Variants in LPA observed in about 807,000 individuals in gnomAD.
LPA encodes apolipoprotein(a).
A neutral mutation model predicts 197.9 loss-of-function variants in LPA; 199 were observed. The ratio of observed to expected loss-of-function variants is 1.01; its 90% CI spans 0.90 to 1.13. The LOEUF is 1.13. Ranked by LOEUF, LPA falls within the 50% of genes most tolerant of loss-of-function variation. The pLI, the probability that LPA is intolerant of heterozygous loss-of-function variation, is 0.00. For synonymous variants in LPA, 715 were observed against 639.5 expected, an observed-to-expected ratio of 1.12 and a Z score of -1.78; for missense variants, 1,853 against 1,785.8, an observed-to-expected ratio of 1.04 and a Z score of -0.68.
intron 20 of LPA, 114 bp downstream of exon 20, chr6:160,599,386 G>T: frequency 1.4e-6 from 2 of 1,467,844 alleles, no homozygotes; most frequent in Non-Finnish European, 1.9e-6. Flanking sequence ...CACAGGAAAT[G>T]TTCCTCTGCA....
At chr6:160,657,203 T>G (rs977885299) in intron 1 of LPA, among the ~76,000 whole-genome samples, 24 of 152,106 alleles carry the variant, frequency 1.6e-4, no homozygotes, top group African/African-American at 4.8e-4. Context: ...TCACAAAGCT[T>G]CGGCCAAGGG....
intron 8 of LPA, 98 bp downstream of exon 8, chr6:160,633,655 C>A: frequency 9.3e-7 from 1 of 1,077,278 alleles, no homozygotes; most frequent in Non-Finnish European, 1.3e-6. Flanking sequence ...CTGCATCTGT[C>A]ACAAGTTGAG....
At chr6:160,571,264 C>T (rs1778557134) in intron 28 of LPA, among the ~76,000 whole-genome samples, 1 of 152,152 alleles carries the variant, frequency 6.6e-6, no homozygotes, top group Non-Finnish European at 1.5e-5. Flanking sequence ...GTTAGCAATT[C>T]CTCTGACCTT....
intron 28 of LPA, among the ~76,000 whole-genome samples, chr6:160,563,566 G>C (rs1778398151): frequency 6.6e-6 from 1 of 152,214 alleles, no homozygotes; most frequent in Non-Finnish European, 1.5e-5. Context: ...GTCGAGTTCT[G>C]TAGATGTCTA....
chr6:160,534,132 G>A (rs1287817722), intron 37 of LPA, among the ~76,000 whole-genome samples: 3 of 152,184 alleles, frequency 2.0e-5, no homozygotes, highest in Non-Finnish European at 4.4e-5. Context: ...TGAGCAGCGT[G>A]GAAGAGTCTC....
rs371093480 is a variant in LPA, at chr6:160,601,128, A to G, written c.2946-30T>C. ...AAATTCCAAAAGAATACACATCACAAAAAATGGGTACATATGCAGGAACAC... is the reference window on the plus strand; with the variant it reads ...AAATTCCAAAAGAATACACATCACAGAAAATGGGTACATATGCAGGAACAC... On this transcript the variant is annotated intron_variant, in intron 18 of 38. Coordinates refer to ENST00000316300, the MANE Select transcript of LPA (RefSeq NM_005577.4). The G allele has an allele frequency of 1.7e-5, 27 of 1,607,254 alleles. 1 individual carries two copies. In the African/African-American group the frequency reaches 2.7e-4, roughly 16 times the overall value.
chr6:160,605,043 T>A lies in LPA; in HGVS notation c.2945+3A>T, dbSNP rs1181773735. Reference sequence around the variant, plus strand: ...TCACTTATGGTAAAGAAAATAGACATACGCATTTGGGTAGTATGCTGGGGT... The same window carrying A: ...TCACTTATGGTAAAGAAAATAGACAAACGCATTTGGGTAGTATGCTGGGGT... On this transcript the variant is annotated splice_donor_region_variant and intron_variant, in intron 18 of 38. Coordinates refer to ENST00000316300, the MANE Select transcript of LPA (RefSeq NM_005577.4). The A allele has an allele frequency of 6.2e-7, 1 of 1,613,454 alleles. No individual in the cohort carries two copies. The highest frequency in any genetic ancestry group is 8.5e-7 in the Non-Finnish European group (1 of 1,179,746).
At chr6:160,600,300 C>T (rs943163242) in intron 19 of LPA, among the ~76,000 whole-genome samples, 12 of 152,116 alleles carry the variant, frequency 7.9e-5, no homozygotes, top group African/African-American at 1.4e-4. Flanking sequence ...TCTTTTTCTC[C>T]AGACCCCCCG....
At chr6:160,555,294 A>T (rs1395094882) in intron 30 of LPA, among the ~76,000 whole-genome samples, 2 of 133,872 alleles carry the variant, frequency 1.5e-5, no homozygotes, top group Admixed American at 7.8e-5. Context: ...ATTATATGTT[A>T]GTGTGTGTGT....
rs1311777571 is a variant in LPA at position 160,594,020 on chromosome 6, A to G, written c.3567T>C (p.Cys1189=). Residue 1189 remains cysteine (C), a synonymous_variant, in exon 22 of 39, where the codon TGT becomes TGC. Transcript: ENST00000316300. The part of the protein sequence containing the change: ...SFSTTVTGRT[C]QSWSSMTPHW... ...GTGGTGTCATAGAGGACCAAGACTGACATGTCCTTCCTGTGACAGTGGTAG... is the reference window on the plus strand; with the variant it reads ...GTGGTGTCATAGAGGACCAAGACTGGCATGTCCTTCCTGTGACAGTGGTAG... 7 of 1,613,976 alleles carry G rather than the reference A, an allele frequency of 4.3e-6. No homozygotes were observed. Among genetic ancestry groups the G allele is most frequent in the Non-Finnish European group, 5.9e-6 (7 of 1,179,870 alleles).
At chr6:160,663,585 T>G (rs1378168707) in intron 1 of LPA, among the ~76,000 whole-genome samples, 1 of 152,196 alleles carries the variant, frequency 6.6e-6, no homozygotes, top group Non-Finnish European at 1.5e-5. Context: ...ACAAATACCC[T>G]GAGTATTTGT....
In LPA at chr6:160,605,386, C is replaced by A. The variant is rs536332043; in HGVS notation, c.2786-181G>T. Among the ~76,000 whole-genome samples, 26 of 152,242 alleles carry A rather than the reference C, an allele frequency of 1.7e-4. No individual in the cohort carries two copies. In the South Asian group the frequency reaches 4.2e-3, roughly 24 times the overall value. On this transcript the variant is annotated intron_variant, in intron 17 of 38. Coordinates refer to ENST00000316300, the MANE Select transcript of LPA (RefSeq NM_005577.4). The stretch of plus-strand genomic sequence containing the variant: ...GGACTTGAGAAAAGCAACAACCAAC[C>A]AACAAACAAAAACACCAAAGAAACA...
chr6:160,555,767 A>C (rs1778252733), intron 30 of LPA, among the ~76,000 whole-genome samples: 1 of 151,958 alleles, frequency 6.6e-6, no homozygotes, highest in Non-Finnish European at 1.5e-5. Context: ...TGATCATTTG[A>C]TCTCTTGAGC....
intron 16 of LPA, 134 bp downstream of exon 16, chr6:160,611,428 C>A (rs1263071494): frequency 2.3e-5 from 34 of 1,501,948 alleles, no homozygotes; most frequent in Admixed American, 1.2e-4. Flanking sequence ...CCAAGGAAAT[C>A]ATCCTGAGAC....
chr6:160,553,515 C>T (rs1778199077), intron 30 of LPA, among the ~76,000 whole-genome samples: 1 of 152,006 alleles, frequency 6.6e-6, no homozygotes, highest in Admixed American at 6.6e-5. Context: ...GTTTTTATTT[C>T]TCTTTATCAC....
intron 30 of LPA, among the ~76,000 whole-genome samples, chr6:160,555,229 A>G (rs1033091014): frequency 5.0e-5 from 7 of 139,252 alleles, no homozygotes; most frequent in South Asian, 2.2e-4. Context: ...ACACAGGTTT[A>G]TATATATTAA....
intron 28 of LPA, among the ~76,000 whole-genome samples, chr6:160,566,726 T>A (rs1778461816): frequency 6.6e-6 from 1 of 152,180 alleles, no homozygotes; most frequent in Admixed American, 6.5e-5. Flanking sequence ...GATCCATCAG[T>A]GTGCTGTATT....
chr6:160,586,723 C>A, intron 24 of LPA, 93 bp from the exon 25 acceptor site: 2 of 1,570,140 alleles, frequency 1.3e-6, no homozygotes, highest in African/African-American at 2.7e-5. Flanking sequence ...AAAGTGTAAA[C>A]AAGCAAATTT....
At chr6:160,610,340 T>A (rs755213688) in intron 16 of LPA, among the ~76,000 whole-genome samples, 6 of 152,110 alleles carry the variant, frequency 3.9e-5, no homozygotes, top group Non-Finnish European at 5.9e-5. Flanking sequence ...GTGCAAGGGG[T>A]TGTCTGCAGC....
Sources: allele counts gnomAD v4.1 joint callset (sites outside exome capture counted in the v4.1 genomes callset), GRCh38; gene constraint gnomAD v4.1.1; transcripts MANE v1.5; gene names NCBI Gene and HGNC (gene_info 2026-07-23, HGNC 2026-07-21).